RGS7: variants seen among roughly 807,000 people sequenced by gnomAD.
RGS7 encodes regulator of G protein signaling 7.
RGS7 carries 27 observed loss-of-function variants against 81.1 expected under a neutral mutation model. The observed-to-expected ratio is 0.33, with a 90% CI of 0.25 to 0.46. The LOEUF is 0.46. RGS7 is among the 20% of genes least tolerant of loss of function. The probability of loss-of-function intolerance (pLI) is 1.00; values close to 1 mark genes in which losing one functional copy is unlikely to be tolerated. For missense variants in RGS7, 396 were observed against 607.4 expected, an observed-to-expected ratio of 0.65 and a Z score of 3.66; for synonymous variants, 208 against 207.7, an observed-to-expected ratio of 1.00 and a Z score of -0.01.
At chr1:241,250,977 G>C (rs1382509671) in intron 2 of RGS7, among the ~76,000 whole-genome samples, 1 of 152,124 alleles carries the variant, frequency 6.6e-6, no homozygotes, top group African/African-American at 2.4e-5. Flanking sequence ...CTTAGCATTG[G>C]TGCTCAGTAA....
intron 2 of RGS7, among the ~76,000 whole-genome samples, chr1:241,331,612 G>A (rs547588355): frequency 6.6e-6 from 1 of 152,106 alleles, no homozygotes; most frequent in Non-Finnish European, 1.5e-5. Context: ...AATTGTGTTT[G>A]TTACTCTAGT....
intron 4 of RGS7, among the ~76,000 whole-genome samples, chr1:240,945,449 G>A (rs573163839): frequency 2.0e-4 from 31 of 152,290 alleles, no homozygotes; most frequent in African/African-American, 7.2e-4. Flanking sequence ...CTTGGGATTA[G>A]CCAATAACAC....
chr1:241,253,284 A>C (rs1292616405), intron 2 of RGS7, among the ~76,000 whole-genome samples: 1 of 152,164 alleles, frequency 6.6e-6, no homozygotes, highest in South Asian at 2.1e-4. Flanking sequence ...TCTCACTAAG[A>C]GAGGTGAGAA....
chr1:240,832,792 C>T (rs1194351358), intron 9 of RGS7, among the ~76,000 whole-genome samples: 1 of 152,038 alleles, frequency 6.6e-6, no homozygotes, highest in East Asian at 1.9e-4. Flanking sequence ...AATGCACCAT[C>T]AAATAGAGCT....
Position 241,053,849 on chromosome 1 carries a change from C to T in RGS7, c.175+44817G>A, listed in dbSNP as rs541791507. Among the ~76,000 whole-genome samples the T allele has an allele frequency of 1.1e-4, 17 of 152,236 alleles. No individual in the cohort carries two copies. The South Asian group carries it at 2.9e-3, about 26-fold the overall frequency. ...TTTAAAAGGGGTTTTCTTTTTGCTT[C>T]GTTCTCATTCTTTCTTGTCCGCTAC... On this transcript the variant is annotated intron_variant, in intron 3 of 18. Coordinates refer to ENST00000440928, the MANE Select transcript of RGS7 (RefSeq NM_001364886.1).
intron 2 of RGS7, among the ~76,000 whole-genome samples, chr1:241,281,999 T>C (rs2078541104): frequency 6.6e-6 from 1 of 152,234 alleles, no homozygotes; most frequent in African/African-American, 2.4e-5. Context: ...ACTCATATTT[T>C]CTTTTGTTTT....
intron 18 of RGS7, among the ~76,000 whole-genome samples, chr1:240,798,269 C>G (rs1354431034): frequency 6.6e-6 from 1 of 152,094 alleles, no homozygotes; most frequent in African/African-American, 2.4e-5. Context: ...CTCTAAAGTG[C>G]TAGTAAGTAT....
intron 2 of RGS7, among the ~76,000 whole-genome samples, chr1:241,136,709 T>A (rs1213450350): frequency 6.6e-6 from 1 of 152,224 alleles, no homozygotes; most frequent in African/African-American, 2.4e-5. Flanking sequence ...GATTTCATTT[T>A]CAGTTCTTTT....
intron 2 of RGS7, among the ~76,000 whole-genome samples, chr1:241,196,243 T>C (rs1320502309): frequency 6.6e-6 from 1 of 152,110 alleles, no homozygotes; most frequent in Non-Finnish European, 1.5e-5. Context: ...CCTGTAATTA[T>C]GTATCAGTAT....
chr1:240,922,713 C>T (rs1348451506), intron 6 of RGS7, among the ~76,000 whole-genome samples: 1 of 151,944 alleles, frequency 6.6e-6, no homozygotes, highest in African/African-American at 2.4e-5. Context: ...ACATTGAAAA[C>T]ACTAAATGCT....
In RGS7 at chr1:241,026,922, G is replaced by A. The variant is rs373275146; in HGVS notation, c.176-43793C>T. The stretch of plus-strand genomic sequence containing the variant: ...GGAATCAAAGGAAAGGGTTTTGTAC[G>A]CGTAAGAAATGGTAAGAGGAGAGGT... On this transcript the variant is annotated intron_variant, in intron 3 of 18. Transcript: ENST00000440928. 1.2e-4 allele frequency among the ~76,000 whole-genome samples: 18 copies of A among 151,802 alleles called. 1 individual carries two copies. Among genetic ancestry groups the A allele is most frequent in the African/African-American group, 3.4e-4 (14 of 41,386 alleles).
At chr1:241,291,497 G>A (rs1277107993) in intron 2 of RGS7, among the ~76,000 whole-genome samples, 1 of 150,108 alleles carries the variant, frequency 6.7e-6, no homozygotes, top group Admixed American at 6.6e-5. Context: ...ATATAAAATG[G>A]GGCAATGTTG....
intron 18 of RGS7, among the ~76,000 whole-genome samples, chr1:240,793,613 T>TATATATATATATATA (rs1558259636): frequency 1.6e-4 from 14 of 88,352 alleles, no homozygotes; most frequent in African/African-American, 1.3e-3. Context: ...ATATATATAT[T>TATATATATATATATA]TTTTTTTTTT....
chr1:241,132,324 G>T (rs968575171), intron 2 of RGS7: 2 of 154,788 alleles, frequency 1.3e-5, no homozygotes, highest in African/African-American at 4.8e-5. Context: ...GGAGCCCAGA[G>T]AATTGTTTAA....
At chr1:241,052,390 A>G (rs1421664843) in intron 3 of RGS7, among the ~76,000 whole-genome samples, 6 of 152,148 alleles carry the variant, frequency 3.9e-5, no homozygotes, top group African/African-American at 1.4e-4. Flanking sequence ...AGCCAGATGA[A>G]GAGGGTAGGG....
At chr1:241,029,897 G>T (rs563858680) in intron 3 of RGS7, among the ~76,000 whole-genome samples, 56 of 152,112 alleles carry the variant, frequency 3.7e-4, no homozygotes, top group African/African-American at 1.3e-3. Context: ...AGTGATATTT[G>T]CCTTTTTAAA....
rs1336793567 is a variant in RGS7, at chr1:241,003,447, C to A, written c.176-20318G>T. The stretch of plus-strand genomic sequence containing the variant: ...CTGCACTCCAGCCTGGGTGACAGAG[C>A]GAGACTCCGTCTCAAAAAAAAAAAA... On this transcript the variant is annotated intron_variant, in intron 3 of 18. Coordinates refer to ENST00000440928, the MANE Select transcript of RGS7 (RefSeq NM_001364886.1). Among the ~76,000 whole-genome samples, 11 of 125,446 alleles carry A rather than the reference C, an allele frequency of 8.8e-5. 2 individuals are homozygous for A. In the South Asian group the frequency reaches 1.6e-3, roughly 18 times the overall value. The allele number at this position is 125,446 out of a possible 152,430, so 82.3% of individuals were successfully genotyped here. A position where few individuals can be genotyped will look rare whatever the true frequency, so the allele number is the denominator to read the frequency against.
At chr1:240,930,950 A>G (rs964565896) in intron 5 of RGS7, among the ~76,000 whole-genome samples, 182 bp from the exon 6 acceptor site, 5 of 152,170 alleles carry the variant, frequency 3.3e-5, no homozygotes, top group African/African-American at 9.7e-5. Context: ...TTGCTGACCA[A>G]TTGCTCAGCT....
chr1:241,110,849 T>C (rs2065464706), intron 2 of RGS7, among the ~76,000 whole-genome samples: 1 of 152,100 alleles, frequency 6.6e-6, no homozygotes, highest in Non-Finnish European at 1.5e-5. Flanking sequence ...CATGCCCAGC[T>C]AATTTTTGTA....
Sources: gnomAD v4.1 joint callset for allele counts (sites outside exome capture counted in the v4.1 genomes callset) on GRCh38, gnomAD v4.1.1 for gene constraint, MANE v1.5 for transcripts, NCBI Gene and HGNC (gene_info 2026-07-23, HGNC 2026-07-21) for gene names.